ATXN10: variants seen among roughly 807,000 people sequenced by gnomAD.
The protein encoded by ATXN10 is ataxin-10.
In ATXN10, 28 loss-of-function variants were observed where a neutral mutation model predicts 52.9. That is an observed-to-expected ratio of 0.53 (90% CI 0.39 to 0.73). The LOEUF is 0.73. Ranked by LOEUF, ATXN10 falls within the 30% of genes least tolerant of loss-of-function variation. ATXN10 has a pLI of 0.00. For synonymous variants in ATXN10, 226 were observed against 221.5 expected, an observed-to-expected ratio of 1.02 and a Z score of -0.18; for missense variants, 565 against 577.0, an observed-to-expected ratio of 0.98 and a Z score of 0.21.
At position 45,817,793 on chromosome 22, in the gene ATXN10, G is replaced by A. The variant is rs373944889; in HGVS notation, c.1237+10771G>A. ...GTATGAGTGAAGGGAGCTGATTGCCGGGTGCAGGACTGTGAGATGAATTGG... is the reference window on the plus strand; with the variant it reads ...GTATGAGTGAAGGGAGCTGATTGCCAGGTGCAGGACTGTGAGATGAATTGG... On this transcript the variant is annotated intron_variant, in intron 10 of 11. Transcript: ENST00000252934. Among the ~76,000 whole-genome samples the A allele has an allele frequency of 3.9e-5, 6 of 152,120 alleles. No individual in the cohort carries two copies. In the East Asian group the frequency reaches 7.7e-4, roughly 20 times the overall value.
In ATXN10 at chr22:45,757,538, A is replaced by G. The variant is rs2146824951; in HGVS notation, c.1173+17000A>G. On this transcript the variant is annotated intron_variant, in intron 9 of 11. Coordinates refer to ENST00000252934, the MANE Select transcript of ATXN10 (RefSeq NM_013236.4). The surrounding 1 kb of genome is among the most constrained non-coding windows in gnomAD (Gnocchi z 4.6). The stretch of plus-strand genomic sequence containing the variant: ...TTCAGTACTTTGGAGGGAGAAAGAA[A>G]TGGGTTCTTTCTCTGTATTCTCTAA... Among the ~76,000 whole-genome samples the G allele has an allele frequency of 6.6e-6, 1 of 152,222 alleles. No homozygotes were observed. The highest frequency in any genetic ancestry group is 1.9e-4 in the East Asian group (1 of 5,168).
rs143210873 is a variant in ATXN10, at chr22:45,711,297, C to T, written c.648-7116C>T. Among the ~76,000 whole-genome samples, 415 of 151,838 alleles carry T rather than the reference C, an allele frequency of 2.7e-3. 2 individuals are homozygous for T. The highest frequency in any genetic ancestry group is 9.0e-3 in the South Asian group (43 of 4,788). ...CCCAAAGGTTAAATAATGTATCATT[C>T]CATTTACATGACATTCTTGAAATGA... On this transcript the variant is annotated intron_variant, in intron 5 of 11. Coordinates refer to ENST00000252934, the MANE Select transcript of ATXN10 (RefSeq NM_013236.4).
intron 9 of ATXN10, among the ~76,000 whole-genome samples, chr22:45,788,691 C>A (rs1384711258): frequency 1.3e-5 from 2 of 152,074 alleles, no homozygotes; most frequent in Non-Finnish European, 2.9e-5. Context: ...GGGTCTCCCT[C>A]TGCTGCCCAG....
chr22:45,788,873 T>C (rs1012115783), intron 9 of ATXN10, among the ~76,000 whole-genome samples: 2 of 152,056 alleles, frequency 1.3e-5, no homozygotes, highest in African/African-American at 2.4e-5. Flanking sequence ...GGTCTCGAAT[T>C]TGTGACCTCA....
rs1002018511 is a variant in ATXN10, at chr22:45,684,627, A to T, written c.117-5085A>T. On this transcript the variant is annotated intron_variant, in intron 1 of 11. Transcript: ENST00000252934. The surrounding 1 kb of genome is among the most constrained non-coding windows in gnomAD (Gnocchi z 4.1). ...GCGTTTGTGCACTGGGGGAGTTGAGAGTGTGACAGAGGCTGTTTGGCCATC... is the reference window on the plus strand; with the variant it reads ...GCGTTTGTGCACTGGGGGAGTTGAGTGTGTGACAGAGGCTGTTTGGCCATC... Among the ~76,000 whole-genome samples, 3 of 151,994 alleles carry T rather than the reference A, an allele frequency of 2.0e-5. No individual in the cohort carries two copies. Among genetic ancestry groups the T allele is most frequent in the African/African-American group, 7.3e-5 (3 of 41,364 alleles).
intron 9 of ATXN10, among the ~76,000 whole-genome samples, chr22:45,788,576 A>G (rs8140070): frequency 0.031 from 4,646 of 151,592 alleles, 281 homozygotes; most frequent in African/African-American, 0.11. Flanking sequence ...GCTCCTTCTC[A>G]CACAAATCTA....
rs1926200194 is a variant in ATXN10 at position 45,757,099 on chromosome 22, C to CTG, written c.1173+16561_1173+16562insTG. Reference sequence around the variant, plus strand: ...TGCGGAGGAATGGCTTTGGTCTGCACCTGCAGCTCTGGACGGACTGCCTGG... The same window carrying CTG: ...TGCGGAGGAATGGCTTTGGTCTGCACTGCTGCAGCTCTGGACGGACTGCCTGG... On this transcript the variant is annotated intron_variant, in intron 9 of 11. Transcript: ENST00000252934. This position sits in a 1 kb window ranked among gnomAD's most constrained non-coding sequence, Gnocchi z 4.6. Among the ~76,000 whole-genome samples the CTG allele has an allele frequency of 6.6e-6, 1 of 152,162 alleles. No individual in the cohort carries two copies. The highest frequency in any genetic ancestry group is 1.5e-5 in the Non-Finnish European group (1 of 68,036).
At chr22:45,755,687 C>G (rs576792912) in intron 9 of ATXN10, among the ~76,000 whole-genome samples, 1 of 152,250 alleles carries the variant, frequency 6.6e-6, no homozygotes, top group South Asian at 2.1e-4. Context: ...GAACCTTATT[C>G]AAGACCCTGA....
At chr22:45,771,823 G>T (rs135986) in intron 9 of ATXN10, among the ~76,000 whole-genome samples, 1 of 152,068 alleles carries the variant, frequency 6.6e-6, no homozygotes, top group African/African-American at 2.4e-5. Context: ...GGCCTCTGCT[G>T]TGTTGTCCAG....
chr22:45,731,325 G>A (rs144547778), intron 7 of ATXN10, among the ~76,000 whole-genome samples: 2 of 152,276 alleles, frequency 1.3e-5, no homozygotes, highest in African/African-American at 4.8e-5. Context: ...ATGTCACCTG[G>A]GTCTGGAAAT....
chr22:45,716,792 T>C (rs946578271), intron 5 of ATXN10, among the ~76,000 whole-genome samples: 5 of 151,912 alleles, frequency 3.3e-5, no homozygotes, highest in African/African-American at 1.2e-4. Flanking sequence ...ACAAAAACAA[T>C]AGAAAAAATT....
intron 10 of ATXN10, among the ~76,000 whole-genome samples, chr22:45,834,328 G>A (rs1020163685): frequency 1.3e-5 from 2 of 152,088 alleles, no homozygotes; most frequent in Admixed American, 1.3e-4. Context: ...GGCAGGTGAG[G>A]CCTGACACTT....
intron 9 of ATXN10, among the ~76,000 whole-genome samples, chr22:45,758,533 G>C (rs549092315): frequency 6.6e-6 from 1 of 152,314 alleles, no homozygotes; most frequent in South Asian, 2.1e-4. Flanking sequence ...GTAATTCAAG[G>C]TTGCTTTGAT....
At chr22:45,697,675 G>A (rs1348112996) in intron 3 of ATXN10, among the ~76,000 whole-genome samples, 2 of 152,050 alleles carry the variant, frequency 1.3e-5, no homozygotes, top group African/African-American at 2.4e-5. Flanking sequence ...TGTCGCCCAG[G>A]CTGGAGTGCA....
At chr22:45,755,491 TC>T in intron 9 of ATXN10, among the ~76,000 whole-genome samples, 2 of 152,270 alleles carry the variant, frequency 1.3e-5, no homozygotes, top group Admixed American at 1.3e-4. Flanking sequence ...CAGGCTCTGC[TC>T]CTTTCCCCTT....
At chr22:45,700,202 T>C in intron 3 of ATXN10, 80 bp from the exon 4 acceptor site, 1 of 1,018,116 alleles carries the variant, frequency 9.8e-7, no homozygotes, top group Non-Finnish European at 1.5e-6. Context: ...TTTAATAACA[T>C]GGAGAATATT....
chr22:45,756,440 G>C (rs1047907247), intron 9 of ATXN10, among the ~76,000 whole-genome samples: 2 of 152,122 alleles, frequency 1.3e-5, no homozygotes, highest in Non-Finnish European at 2.9e-5. Context: ...CACCACACTC[G>C]GCCCCAGACC....
intron 6 of ATXN10, among the ~76,000 whole-genome samples, chr22:45,726,890 C>T (rs554598226): frequency 2.6e-5 from 4 of 152,172 alleles, no homozygotes; most frequent in Admixed American, 2.6e-4. Flanking sequence ...CCGTGTCGCC[C>T]GGGCTGGTCT....
rs144019432 is a variant in ATXN10 at position 45,740,754 on chromosome 22, GTA to G, written c.1173+228_1173+229del. ...CACACACACACGTGTGTGTGTGTGT[GTA>G]TATATATATATGTATATGTTAATAT... On this transcript the variant is annotated intron_variant, in intron 9 of 11. Transcript: ENST00000252934. The G allele has an allele frequency of 9.6e-4, 274 of 286,094 alleles. 2 individuals carry two copies. The highest frequency in any genetic ancestry group is 4.8e-3 in the African/African-American group (190 of 39,988). The allele number at this position is 286,094 out of a possible 1,614,324, so 17.7% of individuals were successfully genotyped here. A position where few individuals can be genotyped will look rare whatever the true frequency, so the allele number is the denominator to read the frequency against.
Sources: gnomAD v4.1 joint callset for allele counts (sites outside exome capture counted in the v4.1 genomes callset) on GRCh38, gnomAD v4.1.1 for gene constraint, Gnocchi (gnomAD v3.1) non-coding constraint, MANE v1.5 for transcripts, NCBI Gene and HGNC (gene_info 2026-07-23, HGNC 2026-07-21) for gene names.